The following FDFT1 variants were observed in gnomAD, a reference collection of about 807,000 sequenced individuals.
FDFT1 encodes farnesyl-diphosphate farnesyltransferase 1.
In FDFT1, 68 loss-of-function variants were observed where a neutral mutation model predicts 46.8. That is an observed-to-expected ratio of 1.45 (90% CI 1.19 to 1.78). The LOEUF (loss-of-function observed/expected upper bound fraction) is 1.78. Ranked by LOEUF, FDFT1 falls within the 40% of genes most tolerant of loss-of-function variation. The pLI, the probability that FDFT1 is intolerant of heterozygous loss-of-function variation, is 0.00. For missense variants in FDFT1, 928 were observed against 524.4 expected (o/e 1.77, Z -7.52); for synonymous variants, 351 against 185.1 (o/e 1.90, Z -7.28).
At chr8:11,810,956 A>G (rs1807632924) in intron 3 of FDFT1, among the ~76,000 whole-genome samples, 1 of 151,298 alleles carries the variant, frequency 6.6e-6, no homozygotes, top group Non-Finnish European at 1.5e-5. Flanking sequence ...AAAAAAAAAA[A>G]AAGGAATGTT....
chr8:11,821,314 C>T (rs940314375), intron 3 of FDFT1, among the ~76,000 whole-genome samples: 3 of 152,172 alleles, frequency 2.0e-5, no homozygotes, highest in East Asian at 1.9e-4. Flanking sequence ...AACATGAGGC[C>T]GGGCTCAGTG....
At chr8:11,799,242 C>T (rs1805863101), upstream of FDFT1, among the ~76,000 whole-genome samples, 1 of 152,212 alleles carries the variant, frequency 6.6e-6, no homozygotes. Context: ...GCGGTCTTAT[C>T]AGGAGAAAGT....
chr8:11,800,848 G>T (rs180751669), upstream of FDFT1, among the ~76,000 whole-genome samples: 8 of 152,320 alleles, frequency 5.3e-5, no homozygotes, highest in African/African-American at 1.4e-4. Context: ...TACCGTCATG[G>T]CTGGAAACTA....
chr8:11,821,845 T>A lies in FDFT1; in HGVS notation c.477T>A (p.Asp159Glu). ...GCATTGGGATGGCAGAGTTTTTGGA[T>A]AAGCATGTGACCTCTGAACAGGAGT... ...RMGIGMAEFLDKHVTSEQEWD... is the reference protein window; with the variant it reads ...RMGIGMAEFLEKHVTSEQEWD... The change falls in exon 4 of 8, where the codon GAT (aspartate) becomes GAA (glutamate). Residue 159 changes from aspartate to glutamate, a missense_variant. Coordinates refer to ENST00000220584, the MANE Select transcript of FDFT1 (RefSeq NM_004462.5). 2 of 1,613,488 alleles carry A rather than the reference T, an allele frequency of 1.2e-6. No individual in the cohort carries two copies. Among genetic ancestry groups the A allele is most frequent in the Non-Finnish European group, 1.7e-6 (2 of 1,179,478 alleles).
intron 5 of FDFT1, 146 bp from the exon 6 acceptor site, chr8:11,830,098 G>A (rs1032796064): frequency 7.4e-6 from 5 of 672,626 alleles, no homozygotes; most frequent in Non-Finnish European, 1.3e-5. Flanking sequence ...CACCCTCCTC[G>A]GCCTCCCAAA....
upstream of FDFT1, chr8:11,802,089 T>C: frequency 2.2e-6 from 1 of 455,206 alleles, no homozygotes; most frequent in Non-Finnish European, 4.4e-6. Context: ...TTTCTAGGAC[T>C]AAGCTGGATC....
In FDFT1 at chr8:11,809,653, T is replaced by C. The variant is rs566455216; in HGVS notation, c.198-14T>C. 10 of 1,580,326 alleles carry C rather than the reference T, an allele frequency of 6.3e-6. No individual in the cohort carries two copies. Among genetic ancestry groups the C allele is most frequent in the African/African-American group, 4.1e-5 (3 of 73,232 alleles). The stretch of plus-strand genomic sequence containing the variant: ...GTTTGTTCCAATATATTAATAGTTT[T>C]CCCTTTTTTACAGCAACGCAGTGTG... On this transcript the variant is annotated splice_polypyrimidine_tract_variant and intron_variant, in intron 2 of 7. Transcript: ENST00000220584.
intron 1 of FDFT1, among the ~76,000 whole-genome samples, chr8:11,807,212 A>G (rs192522762): frequency 2.6e-5 from 4 of 152,222 alleles, no homozygotes; most frequent in Admixed American, 2.0e-4. Context: ...ATCATAGTTC[A>G]CTGTAACGTG....
intron 1 of FDFT1, 36 bp downstream of exon 1, chr8:11,802,967 A>G (rs1487755958): frequency 1.9e-6 from 3 of 1,566,146 alleles, no homozygotes; most frequent in African/African-American, 1.4e-5. Flanking sequence ...GGGGCGGGGA[A>G]GGAGCTCGCT....
At chr8:11,824,310 C>T (rs996482917) in intron 4 of FDFT1, among the ~76,000 whole-genome samples, 3 of 151,944 alleles carry the variant, frequency 2.0e-5, no homozygotes, top group East Asian at 3.9e-4. Flanking sequence ...TGACAAATTG[C>T]TGTCGCGGAA....
chr8:11,834,525 A>T (rs1811278506), intron 7 of FDFT1, among the ~76,000 whole-genome samples: 3 of 152,166 alleles, frequency 2.0e-5, no homozygotes, highest in African/African-American at 2.4e-5. Flanking sequence ...CTGCTCAAGG[A>T]TGGTCCCCAG....
At chr8:11,795,716 TGAAGCCAG>T (rs1241767167) in exon 1 of FDFT1, 1 of 152,198 alleles carries the variant, frequency 6.6e-6, no homozygotes, top group East Asian at 1.9e-4. Flanking sequence ...GCTTCACTCC[TGAAGCCAG>T]TAAGACAACG....
At chr8:11,813,019 C>G (rs1206731540) in intron 3 of FDFT1, among the ~76,000 whole-genome samples, 1 of 147,590 alleles carries the variant, frequency 6.8e-6, no homozygotes, top group Non-Finnish European at 1.5e-5. Flanking sequence ...GACGTAGGCT[C>G]TGTGGTACAG....
In FDFT1 at chr8:11,808,836, A is replaced by C; in HGVS notation, c.142A>C (p.Asn48His). The C allele has an allele frequency of 1.2e-6, 2 of 1,613,978 alleles. No individual in the cohort carries two copies. Among genetic ancestry groups the C allele is most frequent in the South Asian group, 1.1e-5 (1 of 91,000 alleles). Residue 48 changes from asparagine to histidine, a missense_variant, in exon 2 of 8, where the codon AAT (asparagine) becomes CAT (histidine). By Grantham distance (68) the Asn-to-His change is moderately conservative. Transcript: ENST00000220584. ...SSLKTCYKYL[N>H]QTSRSFAAVI... ...CCTGAAAACTTGCTACAAGTATCTC[A>C]ATCAGACCAGTCGCAGTTTCGCAGC...
chr8:11,814,659 A>G (rs765953132), intron 3 of FDFT1, among the ~76,000 whole-genome samples: 1 of 152,250 alleles, frequency 6.6e-6, no homozygotes, highest in Non-Finnish European at 1.5e-5. Context: ...AAAAACATCA[A>G]TTCAACTTTT....
chr8:11,808,999 C>T, intron 2 of FDFT1, 108 bp downstream of exon 2: 1 of 1,490,006 alleles, frequency 6.7e-7, no homozygotes, highest in South Asian at 1.3e-5. Flanking sequence ...AGCCTCGTTG[C>T]TGTGGCTTAT....
rs139242873 is a variant in FDFT1, at chr8:11,832,576, A to AAAAT, written c.1032+906_1032+907insAAAT. On this transcript the variant is annotated intron_variant, in intron 7 of 7. Transcript: ENST00000220584. ...CAAAAAAAAAAAAAAAAAAAAAAAA[A>AAAAT]GTCTTAGAGACCAGAAGTCTTTGTA... Among the ~76,000 whole-genome samples the AAAAT allele has an allele frequency of 1.9e-3, 263 of 134,874 alleles. 5 individuals carry two copies. Among genetic ancestry groups the AAAAT allele is most frequent in the African/African-American group, 7.3e-3 (251 of 34,602 alleles). 88.5% of individuals were successfully genotyped at this position (134,874 alleles called of 152,430 possible).
At chr8:11,832,989 T>A (rs111904422) in intron 7 of FDFT1, among the ~76,000 whole-genome samples, 128 of 152,316 alleles carry the variant, frequency 8.4e-4, no homozygotes, top group African/African-American at 2.9e-3. Context: ...GATTTCTGAT[T>A]TCTCTTGCAT....
chr8:11,821,965 C>G (rs1809315948), intron 4 of FDFT1, 87 bp downstream of exon 4: 3 of 1,496,160 alleles, frequency 2.0e-6, no homozygotes, highest in Non-Finnish European at 2.8e-6. Flanking sequence ...GAAAAGTTGT[C>G]CAGTATTTTC....
Sources: gnomAD v4.1 joint callset for allele counts (sites outside exome capture counted in the v4.1 genomes callset) on GRCh38, gnomAD v4.1.1 for gene constraint, MANE v1.5 for transcripts, NCBI Gene and HGNC (gene_info 2026-07-23, HGNC 2026-07-21) for gene names.